The following CDKAL1 variants were observed in gnomAD, a reference collection of about 807,000 sequenced individuals.
CDKAL1 encodes the protein threonylcarbamoyladenosine tRNA methylthiotransferase.
A neutral mutation model predicts 68.2 loss-of-function variants in CDKAL1; 32 were observed. The ratio of observed to expected loss-of-function variants is 0.47; its 90% CI spans 0.35 to 0.63. The LOEUF (loss-of-function observed/expected upper bound fraction) is 0.63, where lower values mean the gene tolerates loss of function less well. Among genes scored for constraint, CDKAL1 ranks in the 30% least tolerant of loss-of-function variants. The probability of loss-of-function intolerance (pLI) is 0.00; values close to 1 mark genes in which losing one functional copy is unlikely to be tolerated. For synonymous variants in CDKAL1, 234 were observed against 244.3 expected (o/e 0.96, Z 0.39); for missense variants, 606 against 696.7 (o/e 0.87, Z 1.47).
intron 9 of CDKAL1, among the ~76,000 whole-genome samples, chr6:20,918,471 TG>T (rs1762812478): frequency 6.6e-6 from 1 of 152,212 alleles, no homozygotes; most frequent in South Asian, 2.1e-4. Flanking sequence ...TTGTGATATT[TG>T]GGGGGCTATA....
At chr6:20,965,902 C>G (rs547163072) in intron 10 of CDKAL1, among the ~76,000 whole-genome samples, 3 of 152,330 alleles carry the variant, frequency 2.0e-5, no homozygotes, top group African/African-American at 7.2e-5. Context: ...CAGAGAATGG[C>G]TAACACATAA....
chr6:20,798,232 G>T (rs948604757), intron 8 of CDKAL1, among the ~76,000 whole-genome samples: 1 of 152,118 alleles, frequency 6.6e-6, no homozygotes, highest in Non-Finnish European at 1.5e-5. Flanking sequence ...GAGTGTTTGG[G>T]TAAGGGTATA....
At chr6:21,069,770 C>CTTTTTTTTTTT (rs1771654458) in intron 12 of CDKAL1, among the ~76,000 whole-genome samples, 1 of 42,254 alleles carries the variant, frequency 2.4e-5, no homozygotes, top group African/African-American at 5.7e-5. Context: ...CCCAGATTTT[C>CTTTTTTTTTTT]TTTCTTTTTT....
At chr6:21,070,620 A>C (rs758695086) in intron 12 of CDKAL1, among the ~76,000 whole-genome samples, 10 of 148,878 alleles carry the variant, frequency 6.7e-5, no homozygotes, top group Non-Finnish European at 1.5e-4. Flanking sequence ...AGGTTTGGAA[A>C]CCTTAGCCAT....
At chr6:21,201,330 C>A in intron 15 of CDKAL1, 56 bp downstream of exon 15, 1 of 1,450,688 alleles carries the variant, frequency 6.9e-7, no homozygotes, top group Non-Finnish European at 9.5e-7. Context: ...GCTGTGGAAG[C>A]ACAGTGATTC....
intron 4 of CDKAL1, among the ~76,000 whole-genome samples, chr6:20,637,535 C>T (rs985668084): frequency 2.0e-5 from 3 of 152,114 alleles, no homozygotes; most frequent in African/African-American, 7.2e-5. Context: ...TGCACTCCAG[C>T]CTGGGCAACA....
intron 4 of CDKAL1, among the ~76,000 whole-genome samples, chr6:20,631,906 A>G (rs1361507542): frequency 6.6e-6 from 1 of 152,228 alleles, no homozygotes; most frequent in African/African-American, 2.4e-5. Context: ...GAATTCCAGT[A>G]TCTAAATATA....
At chr6:21,170,422 TA>T (rs1777333200) in intron 13 of CDKAL1, among the ~76,000 whole-genome samples, 1 of 152,046 alleles carries the variant, frequency 6.6e-6, no homozygotes, top group Non-Finnish European at 1.5e-5. Context: ...CTCCAGCCCC[TA>T]GGTTCAAGTG....
At chr6:20,642,494 C>T (rs1048510603) in intron 4 of CDKAL1, among the ~76,000 whole-genome samples, 1 of 83,310 alleles carries the variant, frequency 1.2e-5, no homozygotes, top group East Asian at 3.1e-4. Context: ...AAAAAAAAAA[C>T]ACTGCGAGGG....
intron 4 of CDKAL1, among the ~76,000 whole-genome samples, chr6:20,637,877 A>G (rs1237364466): frequency 6.6e-6 from 1 of 151,980 alleles, no homozygotes; most frequent in East Asian, 1.9e-4. Context: ...TACTGTATAT[A>G]TTTTTATTGT....
chr6:20,861,931 T>C (rs1355771048), intron 9 of CDKAL1, among the ~76,000 whole-genome samples: 4 of 152,224 alleles, frequency 2.6e-5, no homozygotes, highest in Non-Finnish European at 5.9e-5. Context: ...ATTGATCAAA[T>C]GACCTGCCCA....
chr6:20,850,905 A>C (rs1295702185), intron 9 of CDKAL1, among the ~76,000 whole-genome samples: 1 of 152,210 alleles, frequency 6.6e-6, no homozygotes, highest in East Asian at 1.9e-4. Context: ...TCAGATGTGA[A>C]AAAATGAGAG....
chr6:20,710,202 T>C (rs1771784501), intron 5 of CDKAL1, among the ~76,000 whole-genome samples: 1 of 152,142 alleles, frequency 6.6e-6, no homozygotes, highest in African/African-American at 2.4e-5. Context: ...AGTAACAAGT[T>C]TCATCTTCCT....
At chr6:20,749,021 C>T (rs146207551) in intron 6 of CDKAL1, among the ~76,000 whole-genome samples, 4 of 140,384 alleles carry the variant, frequency 2.8e-5, no homozygotes, top group African/African-American at 8.4e-5. Flanking sequence ...AAAATGTATT[C>T]ACTTCTTTTA....
intron 12 of CDKAL1, among the ~76,000 whole-genome samples, chr6:21,107,652 G>A (rs1264815858): frequency 6.6e-6 from 1 of 151,720 alleles, no homozygotes; most frequent in African/African-American, 2.4e-5. Flanking sequence ...AGCTGGTCTC[G>A]AACTCCTGGC....
At chr6:21,010,317 A>G (rs1027571897) in intron 11 of CDKAL1, among the ~76,000 whole-genome samples, 1 of 152,228 alleles carries the variant, frequency 6.6e-6, no homozygotes, top group African/African-American at 2.4e-5. Flanking sequence ...GGTTGTTAAC[A>G]TGTTGTGAAG....
chr6:20,603,064 G>A (rs753994424), intron 4 of CDKAL1, among the ~76,000 whole-genome samples: 14 of 152,142 alleles, frequency 9.2e-5, no homozygotes, highest in Non-Finnish European at 1.9e-4. Context: ...GTGAGCAAAG[G>A]TTTATTCAGT....
chr6:21,077,760 C>T (rs1400274108), intron 12 of CDKAL1, among the ~76,000 whole-genome samples: 3 of 152,176 alleles, frequency 2.0e-5, no homozygotes, highest in African/African-American at 4.8e-5. Flanking sequence ...AATTACAATT[C>T]GACATGAGAT....
intron 8 of CDKAL1, among the ~76,000 whole-genome samples, chr6:20,803,403 CTT>C (rs1253399173): frequency 6.6e-6 from 1 of 152,200 alleles, no homozygotes; most frequent in Non-Finnish European, 1.5e-5. Flanking sequence ...TCTTTCAAAA[CTT>C]TGTCAAATAT....
Sources: gnomAD v4.1 joint callset for allele counts (sites outside exome capture counted in the v4.1 genomes callset) on GRCh38, gnomAD v4.1.1 for gene constraint, MANE v1.5 for transcripts, NCBI Gene and HGNC (gene_info 2026-07-23, HGNC 2026-07-21) for gene names.